The following FAM178B variants were observed in gnomAD, a reference collection of about 807,000 sequenced individuals.
FAM178B encodes protein FAM178B.
A neutral mutation model predicts 91.7 loss-of-function variants in FAM178B; 82 were observed. That is an observed-to-expected ratio of 0.89 (90% CI 0.75 to 1.07). FAM178B has a LOEUF of 1.07. Among genes scored for constraint, FAM178B ranks in the 50% least tolerant of loss-of-function variants. The probability of loss-of-function intolerance (pLI) is 0.00; values close to 1 mark genes in which losing one functional copy is unlikely to be tolerated. For missense variants in FAM178B, 769 were observed against 846.7 expected (o/e 0.91, Z 1.14); for synonymous variants, 368 against 359.4 (o/e 1.02, Z -0.27).
Position 96,905,814 on chromosome 2 carries a change from GTGTGTATATATATATATA to G in FAM178B, c.1563-3125_1563-3108del, listed in dbSNP as rs1285960584. On this transcript the variant is annotated intron_variant, in intron 12 of 16. Coordinates refer to ENST00000490605, the MANE Select transcript of FAM178B (RefSeq NM_001122646.3). ...TATATACACAAAAATATACATATAT[GTGTGTATATATATATATA>G]TATATATATATATATATATATATAT... is the stretch of plus-strand genomic sequence containing the variant. 7.1e-3 allele frequency among the ~76,000 whole-genome samples: 246 copies of G among 34,466 alleles called. 10 individuals are homozygous for G. Among genetic ancestry groups the G allele is most frequent in the African/African-American group, 0.026 (231 of 8,856 alleles). 22.6% of individuals were successfully genotyped at this position (34,466 alleles called of 152,430 possible).
intron 7 of FAM178B, among the ~76,000 whole-genome samples, chr2:96,950,944 G>A (rs897543735): frequency 5.3e-5 from 8 of 152,296 alleles, no homozygotes; most frequent in South Asian, 4.1e-4. Context: ...CTCCCGCTGC[G>A]TATGGGATGA....
chr2:96,904,125 ATGCCCAGCAATCCTACTC>A (rs2080985780), intron 12 of FAM178B, among the ~76,000 whole-genome samples: 1 of 151,130 alleles, frequency 6.6e-6, no homozygotes, highest in Non-Finnish European at 1.5e-5. Flanking sequence ...TGCCCACCCC[ATGCCCAGCAATCCTACTC>A]CTAGGTACAA....
intron 14 of FAM178B, among the ~76,000 whole-genome samples, chr2:96,892,792 G>A (rs2080714335): frequency 6.6e-6 from 1 of 152,080 alleles, no homozygotes; most frequent in Non-Finnish European, 1.5e-5. Flanking sequence ...CCTGAGTTCT[G>A]TTTAGACAGA....
At chr2:96,882,496 GCTTCCTTCGCAGTGTGACCAATT>G (rs1348117768) in intron 14 of FAM178B, among the ~76,000 whole-genome samples, 1 of 152,230 alleles carries the variant, frequency 6.6e-6, no homozygotes. Flanking sequence ...TGCGCTTCCT[GCTTCCTTCGCAGTGTGACCAATT>G]CCTGAACTTA....
intron 4 of FAM178B, 51 bp downstream of exon 4, chr2:96,970,665 G>A: frequency 7.0e-7 from 1 of 1,428,344 alleles, no homozygotes; most frequent in South Asian, 1.2e-5. Context: ...CGGGACTGCT[G>A]CCAACCCTGC....
rs1473861562 is a variant in FAM178B at position 96,979,863 on chromosome 2, C to T, written c.73+6378G>A. On this transcript the variant is annotated intron_variant, in intron 1 of 16. Transcript: ENST00000490605. The stretch of plus-strand genomic sequence containing the variant: ...GTCGGGATTGCACTGAGTCACATTT[C>T]TGTTGAGAATGTACCTACATATCAT... Among the ~76,000 whole-genome samples, 4 of 152,206 alleles carry T rather than the reference C, an allele frequency of 2.6e-5. 1 individual carries two copies. The highest frequency in any genetic ancestry group is 5.9e-5 in the Non-Finnish European group (4 of 68,044).
rs1370605291 is a variant in FAM178B, at chr2:96,938,320, C to A, written c.1079-9000G>T. 3.3e-5 allele frequency among the ~76,000 whole-genome samples: 5 copies of A among 152,296 alleles called. 1 individual carries two copies. Among genetic ancestry groups the A allele is most frequent in the Admixed American group, 3.3e-4 (5 of 15,300 alleles). ...CCTGGGCCTCACGAGCTACTAATGGCGCAGTACCTGAGGGTCCCCTTGTAT... is the reference window on the plus strand; with the variant it reads ...CCTGGGCCTCACGAGCTACTAATGGAGCAGTACCTGAGGGTCCCCTTGTAT... On this transcript the variant is annotated intron_variant, in intron 8 of 16. Coordinates refer to ENST00000490605, the MANE Select transcript of FAM178B (RefSeq NM_001122646.3).
chr2:96,961,408 C>A (rs977296038), intron 5 of FAM178B, among the ~76,000 whole-genome samples: 1 of 152,018 alleles, frequency 6.6e-6, no homozygotes, highest in African/African-American at 2.4e-5. Context: ...ACGCCCACCC[C>A]CAGCATATGA....
intron 12 of FAM178B, among the ~76,000 whole-genome samples, chr2:96,917,027 T>C (rs992240582): frequency 6.6e-6 from 1 of 151,942 alleles, no homozygotes; most frequent in Admixed American, 6.6e-5. Flanking sequence ...AAAAAAGAAT[T>C]AGGAGCCCTT....
chr2:96,973,152 G>A (rs1209409565), intron 1 of FAM178B, among the ~76,000 whole-genome samples: 1 of 150,868 alleles, frequency 6.6e-6, no homozygotes, highest in African/African-American at 2.4e-5. Flanking sequence ...AGGTTGCAGT[G>A]ACCCAAGATG....
At chr2:96,922,184 C>CT (rs1216478790) in intron 10 of FAM178B, among the ~76,000 whole-genome samples, 2 of 152,174 alleles carry the variant, frequency 1.3e-5, no homozygotes, top group Non-Finnish European at 2.9e-5. Flanking sequence ...GGAAGTTACC[C>CT]TATATGGTCT....
intron 1 of FAM178B, among the ~76,000 whole-genome samples, chr2:96,981,186 G>A (rs757370813): frequency 3.2e-4 from 49 of 151,886 alleles, no homozygotes; most frequent in African/African-American, 9.7e-4. Context: ...GGCTAGTCTC[G>A]AACTCCTGGC....
chr2:96,919,577 T>C (rs1457807017), intron 12 of FAM178B, among the ~76,000 whole-genome samples: 1 of 152,218 alleles, frequency 6.6e-6, no homozygotes, highest in Admixed American at 6.5e-5. Flanking sequence ...CAGGTGGGGA[T>C]GGCAGAAACC....
intron 12 of FAM178B, among the ~76,000 whole-genome samples, chr2:96,912,053 T>A (rs1197437974): frequency 6.6e-6 from 1 of 151,864 alleles, no homozygotes; most frequent in African/African-American, 2.4e-5. Context: ...GGCTCTGAAA[T>A]GGATATTAGC....
chr2:96,881,760 T>A (rs557171643), intron 14 of FAM178B, among the ~76,000 whole-genome samples: 1 of 149,340 alleles, frequency 6.7e-6, no homozygotes, highest in East Asian at 2.0e-4. Context: ...GGGAGGGGAA[T>A]CCCAGAAAAA....
At chr2:96,889,708 ATAAATAAATAAATAC>A (rs2080620438) in intron 14 of FAM178B, among the ~76,000 whole-genome samples, 5 of 137,102 alleles carry the variant, frequency 3.6e-5, no homozygotes, top group African/African-American at 1.3e-4. Context: ...AAATAAATAA[ATAAATAAATAAATAC>A]AAAAAAAAAT....
intron 13 of FAM178B, among the ~76,000 whole-genome samples, chr2:96,894,536 C>G (rs1574204388): frequency 8.4e-6 from 1 of 119,060 alleles, no homozygotes; most frequent in Non-Finnish European, 1.8e-5. Context: ...CCACACATAC[C>G]CACTCATATC....
rs1404276946 is a variant in FAM178B, at chr2:96,960,373, A to G, written c.802T>C (p.Phe268Leu). Residue 268 changes from phenylalanine to leucine, a missense_variant, in exon 6 of 17, where the codon TTT (phenylalanine) becomes CTT (leucine). Physicochemically the swap from Phe to Leu is conservative, Grantham distance 22. Transcript: ENST00000490605. ...IPPVHPGETV[F>L]LPRCHPLPCI... ...GGCAGGGGGTGACACCTGGGCAGAA[A>G]CACAGTCTCACCTGGATGGACCGGC... is the stretch of plus-strand genomic sequence containing the variant. 6.4e-7 allele frequency: 1 copy of G among 1,551,920 alleles called. No individual in the cohort carries two copies.
intron 12 of FAM178B, among the ~76,000 whole-genome samples, chr2:96,912,221 G>A (rs186489511): frequency 1.7e-4 from 26 of 152,260 alleles, no homozygotes; most frequent in Non-Finnish European, 2.4e-4. Context: ...CTAAGGCAAC[G>A]GGGAAGATCT....
Sources: gnomAD v4.1 joint callset for allele counts (sites outside exome capture counted in the v4.1 genomes callset) on GRCh38, gnomAD v4.1.1 for gene constraint, MANE v1.5 for transcripts, NCBI Gene and HGNC (gene_info 2026-07-23, HGNC 2026-07-21) for gene names.